ZNF235: variants seen among roughly 807,000 people sequenced by gnomAD.
ZNF235 encodes zfp-93.
A neutral mutation model predicts 29.4 loss-of-function variants in ZNF235; 25 were observed. The observed-to-expected ratio is 0.85, with a 90% confidence interval of 0.62 to 1.19. The LOEUF (loss-of-function observed/expected upper bound fraction) is 1.19, where lower values mean the gene tolerates loss of function less well. ZNF235 is among the 50% of genes most tolerant of loss of function. ZNF235 has a pLI of 0.00. For missense variants in ZNF235, 788 were observed against 885.0 expected, an observed-to-expected ratio of 0.89 and a Z score of 1.39; for synonymous variants, 300 against 295.3, an observed-to-expected ratio of 1.02 and a Z score of -0.16.
chr19:44,301,691 G>A (rs765834135), intron 2 of ZNF235, among the ~76,000 whole-genome samples: 11 of 152,172 alleles, frequency 7.2e-5, no homozygotes, highest in East Asian at 1.9e-4. Flanking sequence ...GGCTGATCTC[G>A]AACTCCTGAC....
At chr19:44,294,712 T>C (rs1443955854) in intron 4 of ZNF235, among the ~76,000 whole-genome samples, 1 of 145,876 alleles carries the variant, frequency 6.9e-6, no homozygotes, top group Non-Finnish European at 1.5e-5. Context: ...AAACCAAATC[T>C]AATAGCACAT....
intron 3 of ZNF235, 42 bp from the exon 4 acceptor site, chr19:44,298,945 G>A: frequency 6.6e-7 from 1 of 1,505,160 alleles, no homozygotes; most frequent in Non-Finnish European, 9.2e-7. Context: ...TAAAGGCAAA[G>A]AGTACTGAAA....
rs76458296 is a variant in ZNF235, at chr19:44,297,164, G to A, written c.238+1644C>T. 7.5e-3 allele frequency: 1,249 copies of A among 167,356 alleles called. 45 individuals carry two copies. Among genetic ancestry groups the A allele is most frequent in the Admixed American group, 0.062 (1,078 of 17,466 alleles). 10.4% of individuals were successfully genotyped at this position (167,356 alleles called of 1,614,324 possible). A position where few individuals can be genotyped will look rare whatever the true frequency, so the allele number is the denominator to read the frequency against. ...CTGGGCCAAGCAGCCAGTGCTGGCTGTGTCCTTCACCATTGCAGGCCATGC... is the reference window on the plus strand; with the variant it reads ...CTGGGCCAAGCAGCCAGTGCTGGCTATGTCCTTCACCATTGCAGGCCATGC... On this transcript the variant is annotated intron_variant, in intron 4 of 4. Coordinates refer to ENST00000291182, the MANE Select transcript of ZNF235 (RefSeq NM_004234.4).
chr19:44,294,182 GAGA>G (rs1178181088), intron 4 of ZNF235, among the ~76,000 whole-genome samples: 1 of 152,000 alleles, frequency 6.6e-6, no homozygotes, highest in East Asian at 1.9e-4. Context: ...GCCAAGAAAA[GAGA>G]AGATCCAAAT....
Position 44,287,929 on chromosome 19 carries a change from G to A in ZNF235, c.1506C>T (p.Phe502=). The change falls in exon 5 of 5, where the codon TTC becomes TTT. Residue 502 remains phenylalanine, a synonymous_variant. Coordinates refer to ENST00000291182, the MANE Select transcript of ZNF235 (RefSeq NM_004234.4). The part of the protein sequence containing the change: ...CGKGFSSASS[F]QSHQRVHTGE... ...CTGTATGGACCCTCTGATGGCTCTG[G>A]AAACTTGAGGCTGAACTAAAACCCT... 6.2e-7 allele frequency: 1 copy of A among 1,612,764 alleles called. No individual in the cohort carries two copies. Among genetic ancestry groups the A allele is most frequent in the Non-Finnish European group, 8.5e-7 (1 of 1,179,690 alleles).
Position 44,286,590 on chromosome 19 carries a change from A to G in ZNF235, c.*628T>C, listed in dbSNP as rs1975488749. 1 of 152,152 alleles carries G rather than the reference A, an allele frequency of 6.6e-6. No individual in the cohort carries two copies. The highest frequency in any genetic ancestry group is 1.5e-5 in the Non-Finnish European group (1 of 68,078). 9.4% of individuals were successfully genotyped at this position (152,152 alleles called of 1,614,324 possible). A position where few individuals can be genotyped will look rare whatever the true frequency, so the allele number is the denominator to read the frequency against. ...GGGAGCCATTCATGTCTTTTTTCCA[A>G]ATTTGTGTTAGTATGGATGGCAGTA... On this transcript the variant is annotated 3_prime_UTR_variant, in exon 5 of 5. Transcript: ENST00000291182.
At chr19:44,298,397 TC>T (rs1975684992) in intron 4 of ZNF235, among the ~76,000 whole-genome samples, 1 of 151,622 alleles carries the variant, frequency 6.6e-6, no homozygotes, top group African/African-American at 2.4e-5. Context: ...ATGTTTTCAT[TC>T]TTTTTTTTTT....
intron 1 of ZNF235, chr19:44,304,684 G>A (rs1599896275): frequency 3.1e-6 from 3 of 976,296 alleles, no homozygotes; most frequent in African/African-American, 1.8e-5. Context: ...GAGACAAGGA[G>A]AGATTAAGTA....
intron 4 of ZNF235, chr19:44,289,860 G>A (rs1030269771): frequency 6.6e-6 from 1 of 152,188 alleles, no homozygotes; most frequent in African/African-American, 2.4e-5. Flanking sequence ...TATACAACCT[G>A]CACATCTAGA....
intron 2 of ZNF235, 144 bp from the exon 3 acceptor site, chr19:44,299,876 G>T: frequency 8.2e-7 from 1 of 1,215,764 alleles, no homozygotes; most frequent in Non-Finnish European, 1.2e-6. Context: ...CCTTGTACAT[G>T]TAACGTGGTG....
intron 4 of ZNF235, among the ~76,000 whole-genome samples, chr19:44,295,344 T>G (rs1429147836): frequency 1.3e-5 from 2 of 151,738 alleles, no homozygotes; most frequent in Non-Finnish European, 2.9e-5. Flanking sequence ...ATTTATAGTA[T>G]CTACAAAAAA....
chr19:44,287,919 G>A lies in ZNF235; in HGVS notation c.1516C>T (p.Gln506Ter). ...FSSASSFQSH[Q>*]RVHTGEKPFR... ...GGTTTCTCTCCTGTATGGACCCTCT[G>A]ATGGCTCTGGAAACTTGAGGCTGAA... Residue 506 changes from glutamine to a stop codon, truncating the protein, a stop_gained, in exon 5 of 5, where the codon CAG (glutamine) becomes TAG (stop). Coordinates refer to ENST00000291182, the MANE Select transcript of ZNF235 (RefSeq NM_004234.4). LOFTEE classifies it high-confidence loss of function. The A allele has an allele frequency of 6.2e-7, 1 of 1,613,754 alleles. No individual in the cohort carries two copies. Among genetic ancestry groups the A allele is most frequent in the Non-Finnish European group, 8.5e-7 (1 of 1,179,972 alleles).
intron 4 of ZNF235, among the ~76,000 whole-genome samples, chr19:44,291,352 A>T (rs1027022057): frequency 6.6e-6 from 1 of 152,242 alleles, no homozygotes. Context: ...GAGTGAAAAT[A>T]AAAAACCAAT....
Position 44,287,845 on chromosome 19 carries a change from A to C in ZNF235, c.1590T>G (p.Phe530Leu). 1.2e-6 allele frequency: 2 copies of C among 1,613,858 alleles called. No homozygotes were observed. The highest frequency in any genetic ancestry group is 1.7e-6 in the Non-Finnish European group (2 of 1,179,964). The change falls in exon 5 of 5, where the codon TTT becomes TTG. Residue 530 changes from phenylalanine (F) to leucine (L), a missense_variant. By Grantham distance (22) the Phe-to-Leu change is conservative (BLOSUM62 0). Transcript: ENST00000291182. The part of the protein sequence containing the change: ...CGKGFSQSSY[F>L]QAHQRVHTGE... ...CAGTGTGGACTCTCTGATGTGCTTG[A>C]AAGTATGAACTCTGACTGAAGCCTT...
Position 44,303,384 on chromosome 19 carries a change from A to G in ZNF235, c.15+6T>C. ...TTTAAGAAACACAAAGGCAAACCAA[A>G]CTTACCTGGAACTTGGTCATTTTTC... On this transcript the variant is annotated splice_donor_region_variant and intron_variant, in intron 2 of 4. Coordinates refer to ENST00000291182, the MANE Select transcript of ZNF235 (RefSeq NM_004234.4). 1.9e-6 allele frequency: 3 copies of G among 1,612,092 alleles called. No individual in the cohort carries two copies.
At chr19:44,304,100 C>G (rs1052665866) in intron 1 of ZNF235, among the ~76,000 whole-genome samples, 3 of 152,132 alleles carry the variant, frequency 2.0e-5, no homozygotes, top group Non-Finnish European at 2.9e-5. Flanking sequence ...TAAACTGCCA[C>G]AGGTTTTTTT....
intron 4 of ZNF235, among the ~76,000 whole-genome samples, chr19:44,293,606 C>T (rs1041005750): frequency 6.6e-6 from 1 of 152,074 alleles, no homozygotes; most frequent in Non-Finnish European, 1.5e-5. Flanking sequence ...TTCTATCCAA[C>T]ATCAGAATAT....
At position 44,298,917 on chromosome 19, in the gene ZNF235, G is replaced by C; in HGVS notation, c.143-14C>G. The C allele has an allele frequency of 1.3e-6, 2 of 1,591,702 alleles. No homozygotes were observed. Among genetic ancestry groups the C allele is most frequent in the Non-Finnish European group, 1.7e-6 (2 of 1,162,174 alleles). On this transcript the variant is annotated splice_polypyrimidine_tract_variant and intron_variant, in intron 3 of 4. Coordinates refer to ENST00000291182, the MANE Select transcript of ZNF235 (RefSeq NM_004234.4). ...AGGACTGATGTCCTATAAAAAGATA[G>C]TATTTAAGTGAAAATGTTAAAGGCA...
chr19:44,289,315 C>G, intron 4 of ZNF235, 119 bp from the exon 5 acceptor site: 1 of 879,372 alleles, frequency 1.1e-6, no homozygotes, highest in Non-Finnish European at 1.6e-6. Context: ...ACTAGACTGG[C>G]TGAAATAAAT....
Sources: allele counts gnomAD v4.1 joint callset (sites outside exome capture counted in the v4.1 genomes callset), GRCh38; gene constraint gnomAD v4.1.1; transcripts MANE v1.5; gene names NCBI Gene and HGNC (gene_info 2026-07-23, HGNC 2026-07-21).